SLC19A3: variants seen among roughly 807,000 people sequenced by gnomAD.
SLC19A3 encodes thiamine transporter 2.
In SLC19A3, 31 loss-of-function variants were observed where a neutral mutation model predicts 40.2. The observed-to-expected ratio is 0.77, with a 90% confidence interval of 0.58 to 1.04. The LOEUF is 1.04. SLC19A3 is among the 50% of genes least tolerant of loss of function. The pLI is 0.00. For synonymous variants in SLC19A3, 212 were observed against 227.5 expected (o/e 0.93, Z 0.61); for missense variants, 592 against 596.7 (o/e 0.99, Z 0.08).
chr2:227,709,046 A>G (rs1696050620), intron 1 of SLC19A3, among the ~76,000 whole-genome samples: 1 of 152,220 alleles, frequency 6.6e-6, no homozygotes, highest in Non-Finnish European at 1.5e-5. Flanking sequence ...TAAATTTCAG[A>G]CATGGATAGT....
intron 4 of SLC19A3, among the ~76,000 whole-genome samples, chr2:227,688,860 G>A (rs1020731994): frequency 1.3e-5 from 2 of 152,000 alleles, no homozygotes; most frequent in Non-Finnish European, 2.9e-5. Flanking sequence ...TTAAGAAAAC[G>A]CAAAGAAATT....
At chr2:227,692,671 C>G (rs1695277304) in intron 4 of SLC19A3, among the ~76,000 whole-genome samples, 1 of 152,146 alleles carries the variant, frequency 6.6e-6, no homozygotes, top group African/African-American at 2.4e-5. Flanking sequence ...TTTACCACTG[C>G]TATTCAACAT....
intron 1 of SLC19A3, among the ~76,000 whole-genome samples, 182 bp downstream of exon 1, chr2:227,717,761 A>T (rs1236912260): frequency 6.6e-6 from 1 of 152,088 alleles, no homozygotes; most frequent in African/African-American, 2.4e-5. Context: ...ACTTGGGTGA[A>T]TCCCAGCACG....
intron 2 of SLC19A3, chr2:227,701,012 G>T (rs1230007368): frequency 1.5e-6 from 2 of 1,304,278 alleles, no homozygotes; most frequent in Non-Finnish European, 2.0e-6. Context: ...CTGTTAACTG[G>T]TCCACAGTGG....
intron 1 of SLC19A3, among the ~76,000 whole-genome samples, chr2:227,717,573 G>A (rs760746161): frequency 2.0e-5 from 3 of 152,174 alleles, no homozygotes; most frequent in Non-Finnish European, 2.9e-5. Context: ...TTTCCCACTA[G>A]GAAGGACCTT....
Position 227,689,668 on chromosome 2 carries a change from C to A in SLC19A3, c.1173-1361G>T, listed in dbSNP as rs570138972. On this transcript the variant is annotated intron_variant, in intron 4 of 5. Coordinates refer to ENST00000644224, the MANE Select transcript of SLC19A3 (RefSeq NM_025243.4). ...CGCAATAAGAAAACATGTAAAGGCA[C>A]AAAACTCACTTGTAATAATAGGTAC... Among the ~76,000 whole-genome samples the A allele has an allele frequency of 3.9e-5, 6 of 152,224 alleles. No individual in the cohort carries two copies. The South Asian group carries it at 1.0e-3, about 26-fold the overall frequency.
intron 2 of SLC19A3, chr2:227,701,239 G>A: frequency 2.2e-6 from 1 of 447,478 alleles, no homozygotes; most frequent in South Asian, 2.3e-5. Flanking sequence ...ACTTTACACA[G>A]TGTTTTCAAG....
intron 1 of SLC19A3, among the ~76,000 whole-genome samples, chr2:227,709,781 C>A (rs921349572): frequency 1.3e-5 from 2 of 152,134 alleles, no homozygotes; most frequent in Admixed American, 6.6e-5. Context: ...GGAAAGAAAT[C>A]ACTTTATCAA....
intron 1 of SLC19A3, among the ~76,000 whole-genome samples, chr2:227,714,234 T>A (rs967319863): frequency 5.9e-5 from 9 of 152,104 alleles, no homozygotes; most frequent in African/African-American, 1.9e-4. Context: ...AAATTTAAAG[T>A]CCACATCAGG....
At chr2:227,697,950 G>A (rs1695505630) in intron 3 of SLC19A3, among the ~76,000 whole-genome samples, 1 of 151,890 alleles carries the variant, frequency 6.6e-6, no homozygotes. Context: ...ATGGTGGCAC[G>A]TGCCTGTAGT....
At chr2:227,698,487 G>A (rs1695528610) in intron 3 of SLC19A3, among the ~76,000 whole-genome samples, 1 of 152,064 alleles carries the variant, frequency 6.6e-6, no homozygotes, top group South Asian at 2.1e-4. Flanking sequence ...TTTTAGTAGA[G>A]ACGGGGTTTC....
At chr2:227,714,952 T>TGA (rs916161294) in intron 1 of SLC19A3, among the ~76,000 whole-genome samples, 3 of 151,540 alleles carry the variant, frequency 2.0e-5, no homozygotes, top group African/African-American at 7.3e-5. Context: ...CCTGAGTAGC[T>TGA]GAGACCACAG....
intron 2 of SLC19A3, chr2:227,701,163 CT>C: frequency 8.4e-7 from 1 of 1,195,758 alleles, no homozygotes; most frequent in Non-Finnish European, 1.1e-6. Context: ...ACAGAAGAAG[CT>C]TGCCTTTCTG....
chr2:227,704,512 G>C (rs1260912739), intron 1 of SLC19A3, among the ~76,000 whole-genome samples: 1 of 152,212 alleles, frequency 6.6e-6, no homozygotes, highest in Non-Finnish European at 1.5e-5. Context: ...GAGGACTAAA[G>C]GTAGTAAGAT....
intron 4 of SLC19A3, chr2:227,695,441 A>C (rs2106325453): frequency 5.3e-6 from 1 of 187,326 alleles, no homozygotes; most frequent in Middle Eastern, 2.5e-3. Context: ...CATCTCTACA[A>C]AATACGAAAA....
At position 227,699,410 on chromosome 2, in the gene SLC19A3, C is replaced by T. The variant is rs768496977; in HGVS notation, c.305G>A (p.Gly102Glu). 6.2e-7 allele frequency: 1 copy of T among 1,614,176 alleles called. No individual in the cohort carries two copies. Among genetic ancestry groups the T allele is most frequent in the Admixed American group, 1.7e-5 (1 of 60,006 alleles). Residue 102 changes from glycine (G) to glutamate (E), a missense_variant, in exon 3 of 6, where the codon GGA becomes GAA. By Grantham distance (98) the Gly-to-Glu change is moderately conservative (BLOSUM62 -2). Transcript: ENST00000644224. ...ITWLLLLFGQ[G>E]VKTMQVVEFF... ...CTCTACAACCTGCATGGTCTTCACT[C>T]CTTGGCCAAACAACAGCAGCAGCCA...
At chr2:227,713,446 G>T (rs895682626) in intron 1 of SLC19A3, among the ~76,000 whole-genome samples, 1 of 150,798 alleles carries the variant, frequency 6.6e-6, no homozygotes, top group Non-Finnish European at 1.5e-5. Context: ...CTTTTCAAGA[G>T]TGATTAGATC....
chr2:227,701,420 G>A (rs1341502619), intron 2 of SLC19A3, among the ~76,000 whole-genome samples: 2 of 152,050 alleles, frequency 1.3e-5, no homozygotes, highest in East Asian at 1.9e-4. Flanking sequence ...CCAGAAGTTC[G>A]AGACCAGCCT....
At position 227,717,884 on chromosome 2, in the gene SLC19A3, G is replaced by A. The variant is rs939515968; in HGVS notation, c.-3+59C>T. 3.1e-6 allele frequency: 3 copies of A among 982,788 alleles called. No homozygotes were observed. In the African/African-American group the frequency reaches 5.2e-5, roughly 17 times the overall value. The allele number at this position is 982,788 out of a possible 1,614,324, so 60.9% of individuals were successfully genotyped here. On this transcript the variant is annotated intron_variant, in intron 1 of 5. Coordinates refer to ENST00000644224, the MANE Select transcript of SLC19A3 (RefSeq NM_025243.4). Reference sequence around the variant, plus strand: ...AACCCGGGAAGAGAGAGGCGACACTGCTAAGACCGAGGGATGACGGTGCTT... The same window carrying A: ...AACCCGGGAAGAGAGAGGCGACACTACTAAGACCGAGGGATGACGGTGCTT...
Sources: allele counts gnomAD v4.1 joint callset (sites outside exome capture counted in the v4.1 genomes callset), GRCh38; gene constraint gnomAD v4.1.1; transcripts MANE v1.5; gene names NCBI Gene and HGNC (gene_info 2026-07-23, HGNC 2026-07-21).